EVI5: variants seen among roughly 807,000 people sequenced by gnomAD.
EVI5 encodes ecotropic viral integration site 5 protein homolog.
EVI5 carries 73 observed loss-of-function variants against 112.0 expected under a neutral mutation model. The observed-to-expected ratio is 0.65, with a 90% CI of 0.54 to 0.79. EVI5 has a LOEUF of 0.79. Ranked by LOEUF, EVI5 falls within the 30% of genes least tolerant of loss-of-function variation. EVI5 has a pLI of 0.00. For missense variants in EVI5, 900 were observed against 968.8 expected, an observed-to-expected ratio of 0.93 and a Z score of 0.94; for synonymous variants, 305 against 319.9, an observed-to-expected ratio of 0.95 and a Z score of 0.50.
At chr1:92,708,204 G>A (rs537771129) in intron 2 of EVI5, among the ~76,000 whole-genome samples, 56 of 151,774 alleles carry the variant, frequency 3.7e-4, no homozygotes, top group African/African-American at 1.4e-3. Context: ...CCAAGAAAGT[G>A]GAAAGACAAT....
intron 1 of EVI5, among the ~76,000 whole-genome samples, chr1:92,744,349 A>G (rs939959639): frequency 6.6e-6 from 1 of 152,176 alleles, no homozygotes. Flanking sequence ...CTATTCAGCT[A>G]TAGCCTAACT....
intron 19 of EVI5, among the ~76,000 whole-genome samples, chr1:92,528,505 C>T (rs1662303018): frequency 6.6e-6 from 1 of 152,112 alleles, no homozygotes; most frequent in Admixed American, 6.6e-5. Context: ...AATTTTATAA[C>T]AGGGCTCATA....
chr1:92,676,483 G>C (rs1172132711), intron 10 of EVI5, among the ~76,000 whole-genome samples: 1 of 152,120 alleles, frequency 6.6e-6, no homozygotes, highest in Non-Finnish European at 1.5e-5. Flanking sequence ...TTTGACTCAT[G>C]CTTCCACTTA....
chr1:92,616,951 G>C (rs1038676586), intron 16 of EVI5, among the ~76,000 whole-genome samples: 2 of 152,224 alleles, frequency 1.3e-5, no homozygotes, highest in African/African-American at 4.8e-5. Context: ...GAAGGGACAA[G>C]TAAGTTTCAT....
chr1:92,584,490 T>C (rs1272731042), intron 18 of EVI5, among the ~76,000 whole-genome samples: 2 of 152,234 alleles, frequency 1.3e-5, no homozygotes, highest in African/African-American at 4.8e-5. Flanking sequence ...ATCACTCTGA[T>C]TAATCAACAT....
chr1:92,695,773 A>T (rs1318665617), intron 6 of EVI5, among the ~76,000 whole-genome samples: 3 of 152,192 alleles, frequency 2.0e-5, no homozygotes, highest in Non-Finnish European at 4.4e-5. Context: ...TATCAACTAT[A>T]ATATTTTAAA....
chr1:92,689,455 C>T (rs1371993419), intron 9 of EVI5, among the ~76,000 whole-genome samples: 1 of 151,988 alleles, frequency 6.6e-6, no homozygotes, highest in Non-Finnish European at 1.5e-5. Flanking sequence ...CAGGACCGCC[C>T]AGGCTCAAGT....
intron 14 of EVI5, among the ~76,000 whole-genome samples, chr1:92,635,716 C>T (rs552009089): frequency 6.6e-6 from 1 of 152,152 alleles, no homozygotes; most frequent in Admixed American, 6.5e-5. Context: ...GTTGGAAATG[C>T]AGAAATCATT....
At chr1:92,642,619 C>T (rs1290323299) in intron 13 of EVI5, among the ~76,000 whole-genome samples, 2 of 152,218 alleles carry the variant, frequency 1.3e-5, no homozygotes, top group African/African-American at 4.8e-5. Flanking sequence ...GAATTCACAA[C>T]TTCACTGATA....
At chr1:92,549,876 T>C (rs571075597) in intron 19 of EVI5, among the ~76,000 whole-genome samples, 311 of 152,162 alleles carry the variant, frequency 2.0e-3, no homozygotes, top group Admixed American at 4.8e-3. Flanking sequence ...TGTGGAGAAA[T>C]AGGAACACTT....
chr1:92,637,440 T>C (rs1371256581), intron 13 of EVI5, among the ~76,000 whole-genome samples: 1 of 151,148 alleles, frequency 6.6e-6, no homozygotes, highest in Non-Finnish European at 1.5e-5. Context: ...AAGACGCAGA[T>C]GCTGCACAAA....
chr1:92,633,448 ATC>A (rs1657665357), intron 14 of EVI5, among the ~76,000 whole-genome samples: 1 of 151,746 alleles, frequency 6.6e-6, no homozygotes, highest in South Asian at 2.1e-4. Context: ...GTCTCTTTTG[ATC>A]TTTGTTGGTT....
chr1:92,725,899 T>C (rs887015631), intron 2 of EVI5, among the ~76,000 whole-genome samples: 1 of 152,090 alleles, frequency 6.6e-6, no homozygotes, highest in Non-Finnish European at 1.5e-5. Context: ...AATAGAGACA[T>C]ATTAAAAAAC....
intron 1 of EVI5, among the ~76,000 whole-genome samples, chr1:92,739,764 C>A (rs1347785485): frequency 1.3e-5 from 2 of 151,568 alleles, no homozygotes; most frequent in African/African-American, 2.4e-5. Context: ...GATTTTAGAT[C>A]AAAAAATCAT....
chr1:92,534,364 T>C (rs1663437766), intron 19 of EVI5, among the ~76,000 whole-genome samples: 1 of 152,196 alleles, frequency 6.6e-6, no homozygotes, highest in South Asian at 2.1e-4. Context: ...CCCAAAGTAA[T>C]TTCTAGATTC....
intron 19 of EVI5, among the ~76,000 whole-genome samples, chr1:92,551,597 TA>T (rs1666947828): frequency 6.6e-6 from 1 of 152,184 alleles, no homozygotes; most frequent in Non-Finnish European, 1.5e-5. Context: ...AAATGATAAA[TA>T]TGCATAATAC....
chr1:92,776,431 T>C (rs1228886552), intron 1 of EVI5, among the ~76,000 whole-genome samples: 5 of 152,116 alleles, frequency 3.3e-5, no homozygotes, highest in Non-Finnish European at 7.4e-5. Context: ...TTAGAGATAT[T>C]TAAAATAGAG....
intron 9 of EVI5, among the ~76,000 whole-genome samples, chr1:92,683,191 T>C (rs1667893560): frequency 6.6e-6 from 1 of 151,274 alleles, no homozygotes; most frequent in African/African-American, 2.5e-5. Context: ...GAATTCTAAT[T>C]CAGAAATTTT....
At chr1:92,619,128 A>G (rs10874721) in intron 16 of EVI5, among the ~76,000 whole-genome samples, 140,243 of 152,206 alleles carry the variant, frequency 0.92, 64,697 homozygotes, top group East Asian at 0.97. Flanking sequence ...CAAAGTACTG[A>G]TCCCGGATGT....
Sources: allele counts gnomAD v4.1 joint callset (sites outside exome capture counted in the v4.1 genomes callset), GRCh38; gene constraint gnomAD v4.1.1; transcripts MANE v1.5; gene names NCBI Gene and HGNC (gene_info 2026-07-23, HGNC 2026-07-21).